The following CBFA2T2 variants were observed in gnomAD, a reference collection of about 807,000 sequenced individuals.
CBFA2T2 encodes the protein protein CBFA2T2.
A neutral mutation model predicts 62.2 loss-of-function variants in CBFA2T2; 11 were observed. The ratio of observed to expected loss-of-function variants is 0.18; its 90% CI spans 0.11 to 0.29. The LOEUF (loss-of-function observed/expected upper bound fraction) is 0.29, where lower values mean the gene tolerates loss of function less well. CBFA2T2 is among the 10% of genes least tolerant of loss of function. CBFA2T2 has a pLI of 1.00. For missense variants in CBFA2T2, 592 were observed against 774.1 expected (o/e 0.76, Z 2.79); for synonymous variants, 295 against 287.5 (o/e 1.03, Z -0.27).
At chr20:33,509,414 G>C (rs751978016) in intron 1 of CBFA2T2, among the ~76,000 whole-genome samples, 1 of 151,926 alleles carries the variant, frequency 6.6e-6, no homozygotes, top group African/African-American at 2.4e-5. Context: ...CAGATCCCAA[G>C]ATTAAGGGGG....
Position 33,644,537 on chromosome 20 carries a change from G to C in CBFA2T2, c.1679G>C (p.Arg560Thr). 1.9e-6 allele frequency: 3 copies of C among 1,614,016 alleles called. No homozygotes were observed. The highest frequency in any genetic ancestry group is 2.5e-6 in the Non-Finnish European group (3 of 1,179,976). ...CCTGTAGGCAGGGGCTCCTCTGCCA[G>C]GTCCGCCGACTGCAGCGTGCCCAGC... Reference protein sequence around the residue: ...LLPVGRGSSARSADCSVPSPA... With the variant: ...LLPVGRGSSATSADCSVPSPA... Residue 560 changes from arginine (R) to threonine (T), a missense_variant, in exon 11 of 11, where the codon AGG becomes ACG. Transcript: ENST00000342704.
At chr20:33,513,354 T>TTTTTTTTTGG (rs2011542424) in intron 1 of CBFA2T2, among the ~76,000 whole-genome samples, 1 of 150,122 alleles carries the variant, frequency 6.7e-6, no homozygotes, top group Non-Finnish European at 1.5e-5. Flanking sequence ...GGTTTTTTTG[T>TTTTTTTTTGG]TTTTTTTTTG....
At chr20:33,565,074 C>A (rs1234380334) in intron 1 of CBFA2T2, among the ~76,000 whole-genome samples, 1 of 152,108 alleles carries the variant, frequency 6.6e-6, no homozygotes, top group Non-Finnish European at 1.5e-5. Context: ...CACCCGCCAC[C>A]ACACCCGGCT....
intron 1 of CBFA2T2, among the ~76,000 whole-genome samples, chr20:33,513,816 G>GGA (rs1555829620): frequency 9.0e-6 from 1 of 111,484 alleles, no homozygotes; most frequent in African/African-American, 3.4e-5. Flanking sequence ...TCTGTCCCAG[G>GGA]AAAAAAAAAA....
chr20:33,522,597 C>G (rs1331437281), intron 1 of CBFA2T2, among the ~76,000 whole-genome samples: 1 of 151,952 alleles, frequency 6.6e-6, no homozygotes, highest in Non-Finnish European at 1.5e-5. Context: ...AAAAATTTAG[C>G]TGGGCTTCGT....
chr20:33,640,638 C>A, intron 10 of CBFA2T2, 107 bp downstream of exon 10: 1 of 972,530 alleles, frequency 1.0e-6, no homozygotes, highest in Non-Finnish European at 1.5e-6. Flanking sequence ...CACTCTTGAG[C>A]TCAATGAGGA....
intron 4 of CBFA2T2, among the ~76,000 whole-genome samples, chr20:33,621,440 G>T (rs1335251029): frequency 2.0e-5 from 3 of 151,434 alleles, no homozygotes; most frequent in Non-Finnish European, 4.4e-5. Flanking sequence ...GGGACTACAG[G>T]CACGCGCCAC....
intron 1 of CBFA2T2, among the ~76,000 whole-genome samples, chr20:33,491,434 C>T (rs1221400035): frequency 6.6e-6 from 1 of 151,654 alleles, no homozygotes; most frequent in African/African-American, 2.4e-5. Flanking sequence ...TTGAGGATGC[C>T]CATTTTGCAG....
intron 1 of CBFA2T2, among the ~76,000 whole-genome samples, chr20:33,535,905 A>T (rs1384099978): frequency 1.3e-5 from 2 of 152,130 alleles, no homozygotes; most frequent in Non-Finnish European, 1.5e-5. Flanking sequence ...CATCTGTTTA[A>T]CGAAGCACAT....
At chr20:33,517,924 G>T (rs185752558) in intron 1 of CBFA2T2, among the ~76,000 whole-genome samples, 4 of 151,968 alleles carry the variant, frequency 2.6e-5, no homozygotes, top group South Asian at 4.2e-4. Context: ...GATTACAGGC[G>T]TGAGCCACCG....
At chr20:33,628,262 T>C (rs2016321222) in intron 6 of CBFA2T2, 88 bp from the exon 7 acceptor site, 1 of 870,742 alleles carries the variant, frequency 1.1e-6, no homozygotes, top group African/African-American at 1.7e-5. Context: ...ATCAAAGTTA[T>C]TATGAATATG....
chr20:33,546,824 A>G (rs1345592620), intron 1 of CBFA2T2, among the ~76,000 whole-genome samples: 1 of 151,818 alleles, frequency 6.6e-6, no homozygotes, highest in Non-Finnish European at 1.5e-5. Context: ...TGAGTTTACC[A>G]TTTGTAGCAG....
At position 33,592,290 on chromosome 20, in the gene CBFA2T2, G is replaced by A. The variant is rs146682439; in HGVS notation, c.35-14666G>A. Among the ~76,000 whole-genome samples, 736 of 151,502 alleles carry A rather than the reference G, an allele frequency of 4.9e-3. 8 individuals are homozygous for A. Among genetic ancestry groups the A allele is most frequent in the African/African-American group, 0.016 (679 of 41,314 alleles). On this transcript the variant is annotated intron_variant, in intron 1 of 10. Coordinates refer to ENST00000342704, the MANE Select transcript of CBFA2T2 (RefSeq NM_001032999.3). ...AGGCAGGAGAATTGCTGGAACCTGGGAGGCGGAGGTTGCAGTGAGCCAAGA... is the reference window on the plus strand; with the variant it reads ...AGGCAGGAGAATTGCTGGAACCTGGAAGGCGGAGGTTGCAGTGAGCCAAGA...
At chr20:33,629,567 C>A in intron 7 of CBFA2T2, 152 bp from the exon 8 acceptor site, 1 of 694,470 alleles carries the variant, frequency 1.4e-6, no homozygotes. Flanking sequence ...GATGGAGAAA[C>A]AGACAGCAAT....
chr20:33,503,262 T>TTA (rs2011329104), intron 1 of CBFA2T2, among the ~76,000 whole-genome samples: 1 of 142,790 alleles, frequency 7.0e-6, no homozygotes, highest in Admixed American at 7.0e-5. Flanking sequence ...TTCTTTTTTT[T>TTA]TTTTTTTTTT....
At chr20:33,589,972 G>T (rs1012104809) in intron 1 of CBFA2T2, among the ~76,000 whole-genome samples, 2 of 151,964 alleles carry the variant, frequency 1.3e-5, no homozygotes, top group Non-Finnish European at 2.9e-5. Context: ...GAACCTTGGG[G>T]TCTGGCATGG....
At chr20:33,637,150 G>C (rs2122378915) in intron 9 of CBFA2T2, among the ~76,000 whole-genome samples, 1 of 152,302 alleles carries the variant, frequency 6.6e-6, no homozygotes, top group Admixed American at 6.5e-5. Flanking sequence ...GCCTACCATA[G>C]TGAAGACTGT....
intron 1 of CBFA2T2, among the ~76,000 whole-genome samples, chr20:33,504,403 CTTTTTTTTTTT>C (rs533648842): frequency 3.4e-5 from 4 of 117,552 alleles, no homozygotes; most frequent in East Asian, 2.4e-4. Flanking sequence ...TCATATTTAA[CTTTTTTTTTTT>C]TTTTTTTTTT....
In CBFA2T2 at chr20:33,609,664, G is replaced by A. The variant is rs551586038; in HGVS notation, c.179-1430G>A. ...TATGGGATGAAGAAGAGCTTGCCAG[G>A]TCAAATTTGAGTAAGGTTCAGTGTA... On this transcript the variant is annotated intron_variant, in intron 2 of 10. Transcript: ENST00000342704. Among the ~76,000 whole-genome samples the A allele has an allele frequency of 5.1e-4, 77 of 152,300 alleles. 4 individuals carry two copies. The South Asian group carries it at 9.1e-3, about 18-fold the overall frequency.
Sources: allele counts gnomAD v4.1 joint callset (sites outside exome capture counted in the v4.1 genomes callset), GRCh38; gene constraint gnomAD v4.1.1; transcripts MANE v1.5; gene names NCBI Gene and HGNC (gene_info 2026-07-23, HGNC 2026-07-21).